Variants in SYNE2 observed in about 807,000 individuals in gnomAD.
The protein encoded by SYNE2 is spectrin repeat containing nuclear envelope protein 2.
SYNE2 carries 431 observed loss-of-function variants against 856.3 expected under a neutral mutation model. That is an observed-to-expected ratio of 0.50 (90% CI 0.47 to 0.55). SYNE2 has a LOEUF of 0.55. Ranked by LOEUF, SYNE2 falls within the 20% of genes least tolerant of loss-of-function variation. The pLI, the probability that SYNE2 is intolerant of heterozygous loss-of-function variation, is 0.00. For synonymous variants in SYNE2, 2,923 were observed against 2,872.3 expected, an observed-to-expected ratio of 1.02 and a Z score of -0.56; for missense variants, 8,129 against 8,023.2, an observed-to-expected ratio of 1.01 and a Z score of -0.50.
In SYNE2 at chr14:63,898,666, G is replaced by T. The variant is rs547002388; in HGVS notation, c.-51-10432G>T. Among the ~76,000 whole-genome samples, 135 of 152,118 alleles carry T rather than the reference G, an allele frequency of 8.9e-4. 2 individuals are homozygous for T. The highest frequency in any genetic ancestry group is 2.8e-3 in the African/African-American group (118 of 41,482). ...GCGATTCGCCCACCTTGGCCTCCCA[G>T]AGTGCTGAGATTACAGGCATGAATC... is the stretch of plus-strand genomic sequence containing the variant. On this transcript the variant is annotated intron_variant, in intron 1 of 115. Coordinates refer to ENST00000555002, the MANE Select transcript of SYNE2 (RefSeq NM_182914.3).
chr14:63,801,825 T>G (rs564751313), intron 1 of SYNE2, among the ~76,000 whole-genome samples: 19 of 151,638 alleles, frequency 1.3e-4, no homozygotes, highest in Non-Finnish European at 2.4e-4. Flanking sequence ...ACTGAAAATT[T>G]TTAATTCATC....
At chr14:64,172,035 G>A (rs541518329) in intron 94 of SYNE2, among the ~76,000 whole-genome samples, 70 of 152,190 alleles carry the variant, frequency 4.6e-4, no homozygotes, top group Admixed American at 2.0e-3. Context: ...GTTTTTAGTA[G>A]AGACAAGGTT....
At chr14:64,068,206 G>T (rs1018253204) in intron 51 of SYNE2, among the ~76,000 whole-genome samples, 1 of 151,936 alleles carries the variant, frequency 6.6e-6, no homozygotes, top group Non-Finnish European at 1.5e-5. Context: ...AAGTGCACAC[G>T]GTCACATGAT....
At chr14:64,202,037 G>C (rs535946831) in intron 99 of SYNE2, 63 of 607,174 alleles carry the variant, frequency 1.0e-4, no homozygotes, top group Non-Finnish European at 1.8e-4. Context: ...GCATGTGGAC[G>C]TGCACGCCAA....
chr14:64,054,573 T>C (rs763478846), intron 48 of SYNE2, among the ~76,000 whole-genome samples: 10 of 152,238 alleles, frequency 6.6e-5, no homozygotes, highest in Non-Finnish European at 1.5e-4. Context: ...CTGTTTTTTA[T>C]AAATAAAGTT....
chr14:64,052,087 A>G lies in SYNE2; in HGVS notation c.8174A>G (p.Asn2725Ser). ...TLEPLHLEAE[N>S]QIKKCDIRNK... ...GAGCCATTACACTTAGAAGCAGAAA[A>G]TCAGATTAAGAAGTGTGACATAAGG... Residue 2725 changes from asparagine (N) to serine (S), a missense_variant, in exon 48 of 116, where the codon AAT (asparagine) becomes AGT (serine). Asn to Ser is a conservative substitution (Grantham distance 46). Around this residue, in one of 3 missense-constraint regions of SYNE2, gnomAD observed 5,410 missense variants for 5,284.8 expected, o/e 1.02. Coordinates refer to ENST00000555002, the MANE Select transcript of SYNE2 (RefSeq NM_182914.3). The G allele has an allele frequency of 6.2e-7, 1 of 1,614,232 alleles. No individual in the cohort carries two copies. The highest frequency in any genetic ancestry group is 8.5e-7 in the Non-Finnish European group (1 of 1,180,038).
chr14:64,190,658 TGCCCCACTACTTGCACTCAAG>T (rs1181130929), intron 99 of SYNE2: 2 of 700,400 alleles, frequency 2.9e-6, no homozygotes, highest in Admixed American at 4.0e-5. Flanking sequence ...GGCCCATGAC[TGCCCCACTACTTGCACTCAAG>T]GCAGGGGCAG....
Position 64,162,211 on chromosome 14 carries a change from G to T in SYNE2, c.16234G>T (p.Ala5412Ser), listed in dbSNP as rs780778956. The change falls in exon 88 of 116, where the codon GCA (alanine) becomes TCA (serine). Residue 5412 changes from alanine (A) to serine (S), a missense_variant. Physicochemically the swap from Ala to Ser is moderately conservative, Grantham distance 99. Transcript: ENST00000555002. ...GCAGGAAGCAAAGTTTCAACAGCTCGCAAACATCAGCATGTCTGGAAACAA... is the reference window on the plus strand; with the variant it reads ...GCAGGAAGCAAAGTTTCAACAGCTCTCAAACATCAGCATGTCTGGAAACAA... ...KQQEAKFQQL[A>S]NISMSGNNLA... is the part of the protein sequence containing the mutation. 4 of 1,614,076 alleles carry T rather than the reference G, an allele frequency of 2.5e-6. No homozygotes were observed. The highest frequency in any genetic ancestry group is 3.4e-6 in the Non-Finnish European group (4 of 1,180,034).
At chr14:64,081,202 G>C (rs907077869) in intron 56 of SYNE2, among the ~76,000 whole-genome samples, 2 of 152,176 alleles carry the variant, frequency 1.3e-5, no homozygotes, top group Non-Finnish European at 2.9e-5. Context: ...CCAGAACTTT[G>C]CTGAGGCCCA....
rs1017625523 is a variant in SYNE2, at chr14:64,028,340, C to T, written c.6714+547C>T. ...TTGCAATCATAGTTCACTGCAGCCT[C>T]GAACTCCTAGGCTCAAGCGATCCTC... On this transcript the variant is annotated intron_variant, in intron 43 of 115. Transcript: ENST00000555002. Among the ~76,000 whole-genome samples, 6 of 151,934 alleles carry T rather than the reference C, an allele frequency of 3.9e-5. 1 individual carries two copies. Among genetic ancestry groups the T allele is most frequent in the African/African-American group, 1.2e-4 (5 of 41,340 alleles).
intron 2 of SYNE2, among the ~76,000 whole-genome samples, chr14:63,918,826 G>T (rs1400137135): frequency 1.3e-5 from 2 of 152,148 alleles, no homozygotes; most frequent in African/African-American, 4.8e-5. Context: ...CTCAAAGGTG[G>T]AGCACAAAGA....
intron 100 of SYNE2, among the ~76,000 whole-genome samples, 183 bp from the exon 101 acceptor site, chr14:64,208,575 C>T (rs1193678465): frequency 6.6e-6 from 1 of 152,172 alleles, no homozygotes; most frequent in Non-Finnish European, 1.5e-5. Context: ...CAGGTGCTGA[C>T]AGCACAAGGG....
In SYNE2 at chr14:63,982,767, G is replaced by C. The variant is rs1209662128; in HGVS notation, c.1974G>C (p.Trp658Cys). The C allele has an allele frequency of 6.2e-7, 1 of 1,614,046 alleles. No individual in the cohort carries two copies. Among genetic ancestry groups the C allele is most frequent in the Non-Finnish European group, 8.5e-7 (1 of 1,179,980 alleles). The change falls in exon 17 of 116, where the codon TGG becomes TGC. Residue 658 changes from tryptophan (W) to cysteine (C), a missense_variant. By Grantham distance (215) the Trp-to-Cys change is radical. Coordinates refer to ENST00000555002, the MANE Select transcript of SYNE2 (RefSeq NM_182914.3). ...AACTGAGAAGGCTGAATAAAAGATG[G>C]AGAAAGTTGGTTTCAAAAACTCAAC... ...SKELRRLNKRWRKLVSKTQLE... is the reference protein window; with the variant it reads ...SKELRRLNKRCRKLVSKTQLE...
At chr14:63,816,582 C>A (rs150396371) in intron 1 of SYNE2, among the ~76,000 whole-genome samples, 5 of 152,076 alleles carry the variant, frequency 3.3e-5, no homozygotes, top group African/African-American at 1.2e-4. Context: ...CTGACCTCCC[C>A]CTAAAGCTCG....
intron 11 of SYNE2, among the ~76,000 whole-genome samples, chr14:63,970,912 C>G (rs2096466448): frequency 6.6e-6 from 1 of 151,676 alleles, no homozygotes; most frequent in Non-Finnish European, 1.5e-5. Flanking sequence ...CTTGACCTCC[C>G]AAAGTGCTGG....
rs1367701552 is a variant in SYNE2 at position 64,025,136 on chromosome 14, G to T, written c.5967G>T (p.Gln1989His). The T allele has an allele frequency of 6.2e-7, 1 of 1,613,972 alleles. No homozygotes were observed. Among genetic ancestry groups the T allele is most frequent in the African/African-American group, 1.3e-5 (1 of 74,934 alleles). ...FCQALARKRE[Q>H]FESVAQLNNS... is the part of the protein sequence containing the mutation. ...TGGTATTTGGAATTTACAGGGAACA[G>T]TTTGAATCTGTGGCCCAATTGAACA... Residue 1989 changes from glutamine to histidine, a missense_variant, in exon 41 of 116, where the codon CAG becomes CAT. Transcript: ENST00000555002.
At chr14:63,969,168 T>G (rs1037373049) in intron 11 of SYNE2, among the ~76,000 whole-genome samples, 10 of 146,532 alleles carry the variant, frequency 6.8e-5, no homozygotes, top group African/African-American at 2.6e-4. Flanking sequence ...AGAATCTCAT[T>G]CTTTTTTTTT....
At chr14:63,808,776 A>G (rs933394206) in intron 1 of SYNE2, 1 of 152,266 alleles carries the variant, frequency 6.6e-6, no homozygotes. Flanking sequence ...TAATGCCAGC[A>G]TTTGGGGAGG....
At chr14:64,223,496 G>GA in intron 113 of SYNE2, 116 bp downstream of exon 113, 1 of 1,155,384 alleles carries the variant, frequency 8.7e-7, no homozygotes, top group Non-Finnish European at 1.3e-6. Flanking sequence ...GGTGGTCCGA[G>GA]TGGGGCCTCA....
Sources: allele counts gnomAD v4.1 joint callset (sites outside exome capture counted in the v4.1 genomes callset), GRCh38; gene constraint gnomAD v4.1.1; regional missense constraint gnomAD v4.1.1; transcripts MANE v1.5; gene names NCBI Gene and HGNC (gene_info 2026-07-23, HGNC 2026-07-21).